The following PTPRD variants were observed in gnomAD, a reference collection of about 807,000 sequenced individuals.
PTPRD encodes protein tyrosine phosphatase receptor type D.
PTPRD carries 34 observed loss-of-function variants against 214.5 expected under a neutral mutation model. The observed-to-expected ratio is 0.16, with a 90% CI of 0.12 to 0.21. The LOEUF is 0.21. PTPRD is among the 10% of genes least tolerant of loss of function. The probability of loss-of-function intolerance (pLI) is 1.00; values close to 1 mark genes in which losing one functional copy is unlikely to be tolerated. For missense variants in PTPRD, 2,545 were observed against 2,398.7 expected, an observed-to-expected ratio of 1.06 and a Z score of -1.27; for synonymous variants, 1,128 against 845.7, an observed-to-expected ratio of 1.33 and a Z score of -5.79.
chr9:10,450,931 T>C (rs1184067030), intron 2 of PTPRD, among the ~76,000 whole-genome samples: 1 of 151,960 alleles, frequency 6.6e-6, no homozygotes, highest in Non-Finnish European at 1.5e-5. Context: ...ATTTGATTTA[T>C]AAAAATCTCT....
chr9:9,829,259 C>A (rs578228482), intron 5 of PTPRD, among the ~76,000 whole-genome samples: 1 of 151,876 alleles, frequency 6.6e-6, no homozygotes, highest in Non-Finnish European at 1.5e-5. Flanking sequence ...TGTTCGTCTT[C>A]TGAATGTTTA....
chr9:8,870,593 G>A (rs186570377), intron 11 of PTPRD, among the ~76,000 whole-genome samples: 1 of 151,994 alleles, frequency 6.6e-6, no homozygotes, highest in African/African-American at 2.4e-5. Context: ...TACAGTTGCT[G>A]GGAAATTTGT....
chr9:8,426,469 T>C lies in PTPRD; in HGVS notation c.4086+10123A>G, dbSNP rs1018602526. 2.6e-5 allele frequency among the ~76,000 whole-genome samples: 4 copies of C among 152,176 alleles called. No homozygotes were observed. In the East Asian group the frequency reaches 7.7e-4, roughly 29 times the overall value. On this transcript the variant is annotated intron_variant, in intron 35 of 45. Transcript: ENST00000381196. ...AATAAAGAGTGTCTTTTTTCAGTCC[T>C]TGCTATGGTCTCTTGGAAGTTGAAA...
Position 9,523,311 on chromosome 9 carries a change from G to T in PTPRD, c.-237+51421C>A, listed in dbSNP as rs573627907. ...TTCCTGTACACTATTGGAAAAAGCA[G>T]TTACCACTACATATGAAAAATCACA... On this transcript the variant is annotated intron_variant, in intron 8 of 45. Transcript: ENST00000381196. Among the ~76,000 whole-genome samples, 18 of 152,190 alleles carry T rather than the reference G, an allele frequency of 1.2e-4. No homozygotes were observed. In the East Asian group the frequency reaches 3.1e-3, roughly 26 times the overall value.
chr9:8,435,010 G>C (rs2095284074), intron 35 of PTPRD, among the ~76,000 whole-genome samples: 2 of 152,136 alleles, frequency 1.3e-5, no homozygotes, highest in Non-Finnish European at 1.5e-5. Context: ...TGAATGCTTG[G>C]AGCAGAATAA....
At position 10,373,144 on chromosome 9, in the gene PTPRD, T is replaced by TAA. The variant is rs5896388; in HGVS notation, c.-599-32129_-599-32128dup. On this transcript the variant is annotated intron_variant, in intron 2 of 45. Transcript: ENST00000381196. ...ACTGTGCCCGGCCTGTCTTTATACTTAAAAAAAAAAAAAAAATTGATGAAG... is the reference window on the plus strand; with the variant it reads ...ACTGTGCCCGGCCTGTCTTTATACTTAAAAAAAAAAAAAAAAAATTGATGAAG... 3.5e-3 allele frequency among the ~76,000 whole-genome samples: 477 copies of TAA among 137,848 alleles called. 4 individuals carry two copies. Among genetic ancestry groups the TAA allele is most frequent in the East Asian group, 0.019 (92 of 4,816 alleles). The allele number at this position is 137,848 out of a possible 152,430, so 90.4% of individuals were successfully genotyped here. A position where few individuals can be genotyped will look rare whatever the true frequency, so the allele number is the denominator to read the frequency against.
At chr9:9,715,860 A>T (rs1027438938) in intron 7 of PTPRD, among the ~76,000 whole-genome samples, 4 of 152,024 alleles carry the variant, frequency 2.6e-5, no homozygotes, top group Non-Finnish European at 5.9e-5. Flanking sequence ...TGTTATTATT[A>T]TTATTATTAT....
chr9:9,733,640 A>G (rs539481365), intron 7 of PTPRD, among the ~76,000 whole-genome samples: 13 of 152,292 alleles, frequency 8.5e-5, no homozygotes, highest in Admixed American at 2.0e-4. Context: ...GTTATTACTA[A>G]ATAATGGAGT....
intron 30 of PTPRD, among the ~76,000 whole-genome samples, chr9:8,483,778 CAAAACA>C (rs71500958): frequency 0.11 from 16,657 of 151,352 alleles, 1,117 homozygotes; most frequent in African/African-American, 0.18. Flanking sequence ...GACTCCGTCT[CAAAACA>C]AAAACAAAAA....
chr9:9,410,302 C>T lies in PTPRD; in HGVS notation c.-236-12820G>A, dbSNP rs572132033. Among the ~76,000 whole-genome samples, 80 of 152,248 alleles carry T rather than the reference C, an allele frequency of 5.3e-4. No individual in the cohort carries two copies. In the Middle Eastern group the frequency reaches 0.02, roughly 39 times the overall value. On this transcript the variant is annotated intron_variant, in intron 8 of 45. Transcript: ENST00000381196. ...ACAGAAATTATATTAAAAGAAAGTTCGTTCTGTGATTTGAACTCAGAAATC... is the reference window on the plus strand; with the variant it reads ...ACAGAAATTATATTAAAAGAAAGTTTGTTCTGTGATTTGAACTCAGAAATC...
chr9:9,386,046 C>G (rs756636055), intron 9 of PTPRD, among the ~76,000 whole-genome samples: 19 of 152,078 alleles, frequency 1.2e-4, no homozygotes, highest in Admixed American at 6.6e-4. Flanking sequence ...AAATACTTAC[C>G]TAAGGGAAAA....
chr9:9,160,894 G>C (rs2099887039), intron 10 of PTPRD, among the ~76,000 whole-genome samples: 1 of 152,072 alleles, frequency 6.6e-6, no homozygotes, highest in Non-Finnish European at 1.5e-5. Flanking sequence ...TGAACCTGGA[G>C]GATATTATGC....
At chr9:8,738,920 T>C (rs1378537589) in intron 11 of PTPRD, among the ~76,000 whole-genome samples, 1 of 152,180 alleles carries the variant, frequency 6.6e-6, no homozygotes, top group African/African-American at 2.4e-5. Context: ...AACCTGAACA[T>C]ACATGCATAA....
Position 8,327,736 on chromosome 9 carries a change from T to C in PTPRD, c.5534+3846A>G, listed in dbSNP as rs115071539. 5.6e-3 allele frequency among the ~76,000 whole-genome samples: 856 copies of C among 152,324 alleles called. 11 individuals are homozygous for C. Among genetic ancestry groups the C allele is most frequent in the African/African-American group, 0.019 (804 of 41,568 alleles). Reference sequence around the variant, plus strand: ...TGCATGCTCCTGTAGAGGGTTCATATATATTTAGGATACTTAGCTCTTCTT... The same window carrying C: ...TGCATGCTCCTGTAGAGGGTTCATACATATTTAGGATACTTAGCTCTTCTT... On this transcript the variant is annotated intron_variant, in intron 44 of 45. Transcript: ENST00000381196.
intron 6 of PTPRD, among the ~76,000 whole-genome samples, chr9:9,753,946 G>A (rs1009497034): frequency 3.9e-5 from 6 of 151,940 alleles, no homozygotes; most frequent in African/African-American, 1.2e-4. Context: ...AATAGACTCA[G>A]ATGTTCTTCC....
At chr9:9,249,017 C>G (rs568336725) in intron 9 of PTPRD, among the ~76,000 whole-genome samples, 2 of 152,104 alleles carry the variant, frequency 1.3e-5, no homozygotes, top group South Asian at 4.2e-4. Context: ...TTTGTCCCCT[C>G]CAAATCTCAT....
chr9:9,998,129 A>AAATATATATATATATAT (rs57991748), intron 4 of PTPRD, among the ~76,000 whole-genome samples: 47 of 91,446 alleles, frequency 5.1e-4, no homozygotes, highest in African/African-American at 1.9e-3. Context: ...AAAAAAAAAA[A>AAATATATATATATATAT]ATATATATAT....
At chr9:9,781,745 A>G (rs2098844451) in intron 5 of PTPRD, among the ~76,000 whole-genome samples, 1 of 151,968 alleles carries the variant, frequency 6.6e-6, no homozygotes, top group East Asian at 1.9e-4. Context: ...CGATTTGCTA[A>G]GTCCCATCTC....
intron 5 of PTPRD, among the ~76,000 whole-genome samples, chr9:9,919,507 T>C (rs1167698807): frequency 6.6e-6 from 1 of 152,150 alleles, no homozygotes; most frequent in Non-Finnish European, 1.5e-5. Flanking sequence ...CGCATTCGGA[T>C]AATTATTCAA....
Sources: gnomAD v4.1 joint callset for allele counts (sites outside exome capture counted in the v4.1 genomes callset) on GRCh38, gnomAD v4.1.1 for gene constraint, MANE v1.5 for transcripts, NCBI Gene and HGNC (gene_info 2026-07-23, HGNC 2026-07-21) for gene names.